Variants in MAGI1 observed in about 807,000 individuals in gnomAD.
MAGI1 encodes the protein membrane-associated guanylate kinase, WW and PDZ domain-containing protein 1.
A neutral mutation model predicts 139.9 loss-of-function variants in MAGI1; 58 were observed. The ratio of observed to expected loss-of-function variants is 0.41; its 90% CI spans 0.34 to 0.52. MAGI1 has a LOEUF of 0.52. MAGI1 is among the 20% of genes least tolerant of loss of function. The pLI, the probability that MAGI1 is intolerant of heterozygous loss-of-function variation, is 0.12. For missense variants in MAGI1, 1,874 were observed against 1,901.6 expected (o/e 0.99, Z 0.27); for synonymous variants, 812 against 737.9 (o/e 1.10, Z -1.63).
rs909687469 is a variant in MAGI1 at position 65,472,699 on chromosome 3, A to T, written c.758-2215T>A. 6.6e-5 allele frequency among the ~76,000 whole-genome samples: 10 copies of T among 152,168 alleles called. No individual in the cohort carries two copies. In the South Asian group the frequency reaches 1.9e-3, roughly 28 times the overall value. On this transcript the variant is annotated intron_variant, in intron 4 of 22. Transcript: ENST00000402939. The stretch of plus-strand genomic sequence containing the variant: ...TCCGTGCACCAGTGCCAGGCCAGAG[A>T]TGCAAATGAGACGTGTAGAGAGTGG...
intron 1 of MAGI1, among the ~76,000 whole-genome samples, chr3:65,967,556 G>T (rs1226943525): frequency 1.3e-5 from 2 of 152,206 alleles, no homozygotes; most frequent in African/African-American, 4.8e-5. Flanking sequence ...GAGAGAAGCA[G>T]ATGGGCTGTA....
chr3:65,926,768 A>G (rs1423971906), intron 1 of MAGI1, among the ~76,000 whole-genome samples: 2 of 152,146 alleles, frequency 1.3e-5, no homozygotes, highest in African/African-American at 2.4e-5. Context: ...GCTGAGGCAG[A>G]TGGATCACCT....
intron 2 of MAGI1, among the ~76,000 whole-genome samples, chr3:65,495,841 G>C (rs1039363751): frequency 1.3e-5 from 2 of 152,176 alleles, no homozygotes; most frequent in South Asian, 4.1e-4. Flanking sequence ...AAAAGGCTTT[G>C]ATACGGGTGT....
Position 65,772,399 on chromosome 3 carries a change from CCAT to C in MAGI1, c.314-150314_314-150312del, listed in dbSNP as rs145292616. On this transcript the variant is annotated intron_variant, in intron 1 of 22. Coordinates refer to ENST00000402939, the MANE Select transcript of MAGI1 (RefSeq NM_001033057.2). ...TCAGGGGGGACTTGAGTACAGCTGTCCATCATGAGACCCTGGCTTTTTCACCAC... is the reference window on the plus strand; with the variant it reads ...TCAGGGGGGACTTGAGTACAGCTGTCCATGAGACCCTGGCTTTTTCACCAC... 4.2e-3 allele frequency among the ~76,000 whole-genome samples: 634 copies of C among 152,214 alleles called. 4 individuals carry two copies. Among genetic ancestry groups the C allele is most frequent in the African/African-American group, 0.014 (600 of 41,522 alleles).
intron 12 of MAGI1, among the ~76,000 whole-genome samples, chr3:65,425,725 T>G (rs532885469): frequency 6.6e-6 from 1 of 152,156 alleles, no homozygotes; most frequent in South Asian, 2.1e-4. Context: ...TGAAACGGAG[T>G]GTTGTGACTC....
At chr3:65,527,911 A>G (rs79623975) in intron 2 of MAGI1, among the ~76,000 whole-genome samples, 2 of 144,634 alleles carry the variant, frequency 1.4e-5, no homozygotes, top group African/African-American at 2.7e-5. Flanking sequence ...CATCTCAGGA[A>G]AAAAAAAAAA....
At chr3:65,546,431 T>C (rs2079512027) in intron 2 of MAGI1, among the ~76,000 whole-genome samples, 1 of 152,220 alleles carries the variant, frequency 6.6e-6, no homozygotes, top group African/African-American at 2.4e-5. Context: ...TGCACATTCT[T>C]TTTTATAAAT....
intron 1 of MAGI1, among the ~76,000 whole-genome samples, chr3:65,774,797 T>C (rs17073750): frequency 0.23 from 35,570 of 152,134 alleles, 4,496 homozygotes; most frequent in Middle Eastern, 0.35. Context: ...GCCTATGTTC[T>C]GTGCCTAACA....
At chr3:65,486,664 T>G (rs1186039325) in intron 3 of MAGI1, among the ~76,000 whole-genome samples, 1 of 152,172 alleles carries the variant, frequency 6.6e-6, no homozygotes. Context: ...GAGGAGCTGG[T>G]TCAAATTGTA....
intron 12 of MAGI1, among the ~76,000 whole-genome samples, chr3:65,425,108 TAAAAAAAAAAAA>T (rs72030632): frequency 1.7e-4 from 11 of 66,582 alleles, no homozygotes; most frequent in Non-Finnish European, 3.5e-4. Context: ...GTAGAACTTC[TAAAAAAAAAAAA>T]AAAAAAAAAA....
At chr3:65,625,490 G>C (rs2083922892) in intron 1 of MAGI1, among the ~76,000 whole-genome samples, 1 of 152,100 alleles carries the variant, frequency 6.6e-6, no homozygotes, top group South Asian at 2.1e-4. Context: ...TGAGAACAGG[G>C]CTTAATCTCT....
At chr3:65,437,094 C>A in intron 10 of MAGI1, 61 bp downstream of exon 10, 1 of 1,222,272 alleles carries the variant, frequency 8.2e-7, no homozygotes, top group Non-Finnish European at 1.2e-6. Context: ...TTCAAAATAC[C>A]TTAAAAAAAA....
chr3:65,950,067 C>CAAAAAAAAACAAAAAAAAAAAAA (rs2063733550), intron 1 of MAGI1, among the ~76,000 whole-genome samples: 8 of 76,736 alleles, frequency 1.0e-4, no homozygotes, highest in East Asian at 4.5e-4. Context: ...AACAAAAAAA[C>CAAAAAAAAACAAAAAAAAAAAAA]AAAAAAAAAA....
intron 1 of MAGI1, among the ~76,000 whole-genome samples, chr3:65,712,137 C>G (rs1252376677): frequency 6.6e-6 from 1 of 152,106 alleles, no homozygotes; most frequent in African/African-American, 2.4e-5. Flanking sequence ...AGGTAGGGTC[C>G]ATGTGCCCTT....
At chr3:65,506,653 G>C (rs1004157692) in intron 2 of MAGI1, among the ~76,000 whole-genome samples, 1 of 152,018 alleles carries the variant, frequency 6.6e-6, no homozygotes, top group Non-Finnish European at 1.5e-5. Flanking sequence ...CCACTAGCAC[G>C]GATCCATAAG....
chr3:65,907,185 A>G (rs2061475296), intron 1 of MAGI1, among the ~76,000 whole-genome samples: 1 of 152,210 alleles, frequency 6.6e-6, no homozygotes, highest in Non-Finnish European at 1.5e-5. Flanking sequence ...CAAATTGCTA[A>G]AAATATTACT....
intron 1 of MAGI1, among the ~76,000 whole-genome samples, chr3:65,632,612 T>A (rs1250826978): frequency 6.6e-6 from 1 of 152,162 alleles, no homozygotes; most frequent in Non-Finnish European, 1.5e-5. Context: ...GTCAGCAAAA[T>A]ATTTCCATAA....
intron 17 of MAGI1, 125 bp downstream of exon 17, chr3:65,379,136 T>G: frequency 1.3e-6 from 2 of 1,548,086 alleles, no homozygotes; most frequent in South Asian, 2.4e-5. Context: ...AAGTCTTTAA[T>G]TACCCAGAGC....
At chr3:65,625,060 A>G (rs1163160761) in intron 1 of MAGI1, among the ~76,000 whole-genome samples, 4 of 152,028 alleles carry the variant, frequency 2.6e-5, no homozygotes, top group African/African-American at 9.7e-5. Flanking sequence ...TATAGTAGAG[A>G]TGGCGTTTTA....
Sources: allele counts gnomAD v4.1 joint callset (sites outside exome capture counted in the v4.1 genomes callset), GRCh38; gene constraint gnomAD v4.1.1; transcripts MANE v1.5; gene names NCBI Gene and HGNC (gene_info 2026-07-23, HGNC 2026-07-21).